Variants in LZTFL1 observed in about 807,000 individuals in gnomAD.
The protein encoded by LZTFL1 is leucine zipper transcription factor-like protein 1.
In LZTFL1, 25 loss-of-function variants were observed where a neutral mutation model predicts 45.9. That is an observed-to-expected ratio of 0.54 (90% CI 0.40 to 0.76). The LOEUF is 0.76. LZTFL1 is among the 30% of genes least tolerant of loss of function. LZTFL1 has a pLI of 0.00. For missense variants in LZTFL1, 277 were observed against 331.1 expected, an observed-to-expected ratio of 0.84 and a Z score of 1.27; for synonymous variants, 93 against 117.4, an observed-to-expected ratio of 0.79 and a Z score of 1.35.
At chr3:45,846,922 T>C (rs890815817), upstream of LZTFL1, among the ~76,000 whole-genome samples, 2 of 152,174 alleles carry the variant, frequency 1.3e-5, no homozygotes, top group African/African-American at 4.8e-5. Flanking sequence ...CTTCCGCCAT[T>C]TGCATGTTTC....
chr3:45,913,158 G>A, exon 2 of LZTFL1: 1 of 1,535,664 alleles, frequency 6.5e-7, no homozygotes, highest in Non-Finnish European at 8.7e-7. Flanking sequence ...TGTAAAAGTG[G>A]GCTGACTTAC....
chr3:45,849,227 T>C (rs1246741083), intron 4 of LZTFL1, among the ~76,000 whole-genome samples: 2 of 152,008 alleles, frequency 1.3e-5, no homozygotes, highest in Non-Finnish European at 2.9e-5. Flanking sequence ...AGGGAAAGCT[T>C]TGAGGAAAAT....
At chr3:45,896,397 G>A (rs1246482605) in intron 2 of LZTFL1, among the ~76,000 whole-genome samples, 1 of 152,200 alleles carries the variant, frequency 6.6e-6, no homozygotes, top group African/African-American at 2.4e-5. Context: ...GACCCCTGTG[G>A]CCCTGACTCC....
In LZTFL1 at chr3:45,866,676, C is replaced by T. The variant is rs532257108; in HGVS notation, c.-214-7660G>A. ...CACACCCTTCCACTGCCTGGATCTA[C>T]AGTAATTGATTTTAGACTTGGGTTG... On this transcript the variant is annotated intron_variant, in intron 2 of 4. Coordinates refer to the LZTFL1 transcript ENST00000472635. 2.6e-5 allele frequency among the ~76,000 whole-genome samples: 4 copies of T among 152,298 alleles called. No individual in the cohort carries two copies. The South Asian group carries it at 8.3e-4, about 32-fold the overall frequency.
At chr3:45,878,161 TC>T (rs1249604204) in intron 2 of LZTFL1, among the ~76,000 whole-genome samples, 2 of 152,226 alleles carry the variant, frequency 1.3e-5, no homozygotes, top group South Asian at 2.1e-4. Flanking sequence ...CCTCACCTAC[TC>T]ATTTTTCTTG....
chr3:45,914,770 G>T (rs988574275), intron 1 of LZTFL1, among the ~76,000 whole-genome samples: 1 of 152,140 alleles, frequency 6.6e-6, no homozygotes, highest in Non-Finnish European at 1.5e-5. Context: ...GAAGATGGGG[G>T]CCTGATCCAG....
intron 2 of LZTFL1, among the ~76,000 whole-genome samples, chr3:45,859,785 C>T (rs761430998): frequency 9.2e-5 from 14 of 151,938 alleles, no homozygotes; most frequent in Non-Finnish European, 7.4e-5. Context: ...TACAGGCTCC[C>T]ACCACCACAC....
At chr3:45,835,565 CA>C (rs754111946) in intron 3 of LZTFL1, 24 bp downstream of exon 3, 1 of 1,600,854 alleles carries the variant, frequency 6.2e-7, no homozygotes, top group Admixed American at 1.7e-5. Flanking sequence ...ATTATTGTCA[CA>C]GTTGCAAGTT....
chr3:45,848,921 T>C (rs1209354589), intron 4 of LZTFL1, among the ~76,000 whole-genome samples: 2 of 152,238 alleles, frequency 1.3e-5, no homozygotes, highest in Non-Finnish European at 2.9e-5. Context: ...CCAAAAATTT[T>C]TCCAATATAT....
At position 45,901,658 on chromosome 3, in the gene LZTFL1, C is replaced by G. The variant is rs199948255; in HGVS notation, c.-215+11462G>C. On this transcript the variant is annotated intron_variant, in intron 2 of 4. Transcript: ENST00000472635. The surrounding 1 kb of genome is among the most constrained non-coding windows in gnomAD (Gnocchi z 4.3). ...ATGCCATGTTCATCTCCAACTGTGCCGTTTCCACCAACATTGACATCTGCT... is the reference window on the plus strand; with the variant it reads ...ATGCCATGTTCATCTCCAACTGTGCGGTTTCCACCAACATTGACATCTGCT... The G allele has an allele frequency of 6.2e-7, 1 of 1,613,882 alleles. No individual in the cohort carries two copies. Among genetic ancestry groups the G allele is most frequent in the African/African-American group, 1.3e-5 (1 of 74,934 alleles).
chr3:45,896,597 T>G (rs1488371), intron 2 of LZTFL1, among the ~76,000 whole-genome samples: 78,231 of 152,056 alleles, frequency 0.51, 23,302 homozygotes, highest in African/African-American at 0.82. Context: ...TTTGGAGGAA[T>G]AGCCCTTGAG....
rs556611051 is a variant in LZTFL1, at chr3:45,871,795, G to A, written c.-214-12779C>T. ...GAAAAGAAAGGCAGTTCTACCAGGC[G>A]CTTTATAACAAGAAAAGCGACTTGC... On this transcript the variant is annotated intron_variant, in intron 2 of 4. Transcript: ENST00000472635. Among the ~76,000 whole-genome samples, 155 of 152,254 alleles carry A rather than the reference G, an allele frequency of 1.0e-3. 3 individuals are homozygous for A. The highest frequency in any genetic ancestry group is 1.2e-3 in the South Asian group (6 of 4,826).
At position 45,825,225 on chromosome 3, in the gene LZTFL1, A is replaced by T. The variant is rs1575247019; in HGVS notation, c.*1089T>A. Reference sequence around the variant, plus strand: ...TGATACTCTCACTTTTAGAAGCAGGAAAAATTACTAAATATTAATATGTGA... The same window carrying T: ...TGATACTCTCACTTTTAGAAGCAGGTAAAATTACTAAATATTAATATGTGA... On this transcript the variant is annotated 3_prime_UTR_variant, in exon 10 of 10. Transcript: ENST00000296135. 1 of 225,418 alleles carries T rather than the reference A, an allele frequency of 4.4e-6. No individual in the cohort carries two copies. The highest frequency in any genetic ancestry group is 8.6e-5 in the East Asian group (1 of 11,574). 14.0% of individuals were successfully genotyped at this position (225,418 alleles called of 1,614,324 possible).
In LZTFL1 at chr3:45,842,047, C is replaced by G; in HGVS notation, c.-56G>C. On this transcript the variant is annotated 5_prime_UTR_variant, in exon 1 of 10. Coordinates refer to ENST00000296135, the MANE Select transcript of LZTFL1 (RefSeq NM_020347.4). ...ACGGGAGAGGCCAGGCGGTGCCCCG[C>G]CAAGCCTGGGATCGCCGAGGGTAGT... 1.2e-6 allele frequency: 2 copies of G among 1,603,762 alleles called. No homozygotes were observed. The highest frequency in any genetic ancestry group is 1.7e-6 in the Non-Finnish European group (2 of 1,176,720).
intron 2 of LZTFL1, among the ~76,000 whole-genome samples, chr3:45,893,631 G>A (rs942729896): frequency 4.6e-5 from 7 of 152,126 alleles, no homozygotes; most frequent in Non-Finnish European, 8.8e-5. Flanking sequence ...TGTGTGAATC[G>A]GTCATTCATT....
intron 4 of LZTFL1, among the ~76,000 whole-genome samples, chr3:45,853,834 C>T (rs1311695877): frequency 1.3e-5 from 2 of 152,218 alleles, no homozygotes; most frequent in African/African-American, 4.8e-5. Context: ...TTTGTCCACA[C>T]CTTTTCTATA....
In LZTFL1 at chr3:45,832,723, G is replaced by A. The variant is rs139779986; in HGVS notation, c.456+327C>T. ...ACTATAGGCACGTACCACCACACCCGGCTAATTGATAAATAATTTTTATAA... is the reference window on the plus strand; with the variant it reads ...ACTATAGGCACGTACCACCACACCCAGCTAATTGATAAATAATTTTTATAA... On this transcript the variant is annotated intron_variant, in intron 5 of 9. Coordinates refer to ENST00000296135, the MANE Select transcript of LZTFL1 (RefSeq NM_020347.4). 1,156 of 188,022 alleles carry A rather than the reference G, an allele frequency of 6.1e-3. 21 individuals carry two copies. The highest frequency in any genetic ancestry group is 0.026 in the African/African-American group (1,083 of 42,278). 11.6% of individuals were successfully genotyped at this position (188,022 alleles called of 1,614,324 possible).
At chr3:45,894,084 T>A (rs1702273488) in intron 2 of LZTFL1, among the ~76,000 whole-genome samples, 1 of 152,204 alleles carries the variant, frequency 6.6e-6, no homozygotes, top group Non-Finnish European at 1.5e-5. Context: ...ATGCCCCAGC[T>A]CAGGCACAGA....
At chr3:45,861,779 C>T (rs548072678) in intron 2 of LZTFL1, among the ~76,000 whole-genome samples, 1 of 152,116 alleles carries the variant, frequency 6.6e-6, no homozygotes, top group Middle Eastern at 3.2e-3. Flanking sequence ...TCATAACTTA[C>T]GTCTCTTAGT....
Sources: allele counts gnomAD v4.1 joint callset (sites outside exome capture counted in the v4.1 genomes callset), GRCh38; gene constraint gnomAD v4.1.1; non-coding constraint Gnocchi (gnomAD v3.1); transcripts MANE v1.5; gene names NCBI Gene and HGNC (gene_info 2026-07-23, HGNC 2026-07-21).